Variants in TBC1D32 observed in about 807,000 individuals in gnomAD.
TBC1D32 encodes the protein TBC1 domain family member 32, also known as protein broad-minded.
A neutral mutation model predicts 170.3 loss-of-function variants in TBC1D32; 151 were observed. The observed-to-expected ratio is 0.89, with a 90% CI of 0.78 to 1.01. The LOEUF is 1.01. TBC1D32 is among the 50% of genes least tolerant of loss of function. TBC1D32 has a pLI of 0.00. For missense variants in TBC1D32, 1,464 were observed against 1,457.1 expected, an observed-to-expected ratio of 1.00 and a Z score of -0.08; for synonymous variants, 498 against 488.0, an observed-to-expected ratio of 1.02 and a Z score of -0.27.
chr6:121,220,429 T>C lies in TBC1D32; in HGVS notation c.2481+2807A>G, dbSNP rs531915969. On this transcript the variant is annotated intron_variant, in intron 21 of 31. Coordinates refer to ENST00000398212, the MANE Select transcript of TBC1D32 (RefSeq NM_152730.6). ...TAATCCAGAGAAGGCTCTAACTCTC[T>C]TTAGTTTTACGAAGGCTGAGAGAAA... Among the ~76,000 whole-genome samples, 9 of 152,218 alleles carry C rather than the reference T, an allele frequency of 5.9e-5. No individual in the cohort carries two copies. In the East Asian group the frequency reaches 1.5e-3, roughly 26 times the overall value.
intron 1 of TBC1D32, among the ~76,000 whole-genome samples, chr6:121,327,092 G>A (rs1046196909): frequency 1.3e-5 from 2 of 152,008 alleles, no homozygotes; most frequent in African/African-American, 2.4e-5. Context: ...TTGTTGCAAC[G>A]ATGGGAACAA....
chr6:121,119,087 G>A (rs1323495409), intron 26 of TBC1D32, among the ~76,000 whole-genome samples: 1 of 152,026 alleles, frequency 6.6e-6, no homozygotes, highest in Non-Finnish European at 1.5e-5. Context: ...TTCCATGATG[G>A]CACCAATTTG....
chr6:121,306,843 C>A (rs866927506), intron 5 of TBC1D32, among the ~76,000 whole-genome samples: 58 of 152,226 alleles, frequency 3.8e-4, no homozygotes, highest in Non-Finnish European at 3.2e-4. Context: ...TCTATATTTG[C>A]TTTATGATTC....
At chr6:121,321,527 T>C in intron 2 of TBC1D32, 106 bp downstream of exon 2, 9 of 1,080,248 alleles carry the variant, frequency 8.3e-6, no homozygotes, top group East Asian at 2.5e-5. Flanking sequence ...AAAGAATCAT[T>C]CTGGCTGCTA....
intron 31 of TBC1D32, among the ~76,000 whole-genome samples, chr6:121,086,369 A>G (rs1776276200): frequency 6.6e-6 from 1 of 152,138 alleles, no homozygotes; most frequent in African/African-American, 2.4e-5. Flanking sequence ...CACAGCTGAC[A>G]GTGTACTGAA....
chr6:121,287,649 A>C (rs376547982), intron 12 of TBC1D32, among the ~76,000 whole-genome samples: 1 of 152,160 alleles, frequency 6.6e-6, no homozygotes, highest in South Asian at 2.1e-4. Context: ...TGCACCAAGC[A>C]GACCTAATAG....
intron 31 of TBC1D32, among the ~76,000 whole-genome samples, chr6:121,089,626 C>G (rs979714755): frequency 7.9e-5 from 12 of 152,014 alleles, no homozygotes; most frequent in African/African-American, 2.9e-4. Flanking sequence ...TTCATTAAGA[C>G]TGTTTCTAAT....
chr6:121,274,818 G>A, intron 15 of TBC1D32, among the ~76,000 whole-genome samples: 1 of 152,162 alleles, frequency 6.6e-6, no homozygotes, highest in Non-Finnish European at 1.5e-5. Context: ...AATAAAGTAG[G>A]TGGGAAGGCT....
intron 20 of TBC1D32, among the ~76,000 whole-genome samples, chr6:121,225,438 T>G (rs1794952273): frequency 1.3e-5 from 2 of 151,942 alleles, no homozygotes; most frequent in African/African-American, 4.8e-5. Context: ...TCATAAAAGA[T>G]TACAAAAAAG....
At chr6:121,306,609 G>T (rs1807359555) in intron 5 of TBC1D32, among the ~76,000 whole-genome samples, 2 of 152,126 alleles carry the variant, frequency 1.3e-5, no homozygotes, top group African/African-American at 4.8e-5. Context: ...AGGAAGAAAA[G>T]ATCCTCTATA....
chr6:121,179,270 CA>C (rs1290157215), intron 22 of TBC1D32, among the ~76,000 whole-genome samples: 3 of 148,296 alleles, frequency 2.0e-5, no homozygotes, highest in Non-Finnish European at 4.5e-5. Context: ...TATATGAAGA[CA>C]AAAACATATA....
chr6:121,275,723 A>C (rs1802120583), intron 15 of TBC1D32, among the ~76,000 whole-genome samples: 1 of 152,208 alleles, frequency 6.6e-6, no homozygotes, highest in African/African-American at 2.4e-5. Flanking sequence ...TAAAATGTAC[A>C]GGCCCTCTGA....
Position 121,252,326 on chromosome 6 carries a change from A to T in TBC1D32, c.2018+3002T>A, listed in dbSNP as rs1798405924. 2.6e-5 allele frequency among the ~76,000 whole-genome samples: 4 copies of T among 152,228 alleles called. No homozygotes were observed. The South Asian group carries it at 8.3e-4, about 32-fold the overall frequency. Reference sequence around the variant, plus strand: ...TAACTAAGACTTGGAACTAATGCAAATGCCCATTAAAATGACAGACTGGAT... The same window carrying T: ...TAACTAAGACTTGGAACTAATGCAATTGCCCATTAAAATGACAGACTGGAT... On this transcript the variant is annotated intron_variant, in intron 17 of 31. Coordinates refer to ENST00000398212, the MANE Select transcript of TBC1D32 (RefSeq NM_152730.6).
chr6:121,188,464 C>G (rs755582073), intron 22 of TBC1D32, among the ~76,000 whole-genome samples: 2 of 151,946 alleles, frequency 1.3e-5, no homozygotes, highest in African/African-American at 2.4e-5. Context: ...GAGATTTAAT[C>G]AAGAATATGA....
chr6:121,190,073 GACACACACACACACACACACAC>G (rs533974518), intron 22 of TBC1D32, among the ~76,000 whole-genome samples: 14 of 63,728 alleles, frequency 2.2e-4, no homozygotes, highest in African/African-American at 4.4e-4. Context: ...GCCCAATACA[GACACACACACACACACACACAC>G]ACACACACAC....
intron 24 of TBC1D32, among the ~76,000 whole-genome samples, chr6:121,156,565 G>A (rs773216066): frequency 6.6e-6 from 1 of 151,660 alleles, no homozygotes; most frequent in Non-Finnish European, 1.5e-5. Flanking sequence ...TAACTCTGGA[G>A]TCAGGTGGGT....
intron 24 of TBC1D32, among the ~76,000 whole-genome samples, chr6:121,139,201 G>A (rs1782499985): frequency 1.3e-5 from 2 of 152,080 alleles, no homozygotes; most frequent in Admixed American, 1.3e-4. Context: ...TCTATTTTTA[G>A]TTGATTGGGG....
At chr6:121,170,646 C>A in intron 22 of TBC1D32, 4 of 632,570 alleles carry the variant, frequency 6.3e-6, no homozygotes, top group Non-Finnish European at 9.1e-6. Flanking sequence ...CAGAAAGTAT[C>A]ATTTAGTTAT....
intron 22 of TBC1D32, among the ~76,000 whole-genome samples, chr6:121,195,581 G>A (rs558796069): frequency 3.3e-5 from 5 of 152,076 alleles, no homozygotes; most frequent in Non-Finnish European, 7.4e-5. Flanking sequence ...GATCGGGCTC[G>A]AGCAGGTCCT....
Sources: allele counts gnomAD v4.1 joint callset (sites outside exome capture counted in the v4.1 genomes callset), GRCh38; gene constraint gnomAD v4.1.1; transcripts MANE v1.5; gene names NCBI Gene and HGNC (gene_info 2026-07-23, HGNC 2026-07-21).